Variants in BRD9 observed in about 807,000 individuals in gnomAD.
BRD9 encodes bromodomain containing 9.
Under a neutral mutation model 68.7 loss-of-function variants are expected in BRD9, and 47 were observed. The observed-to-expected ratio is 0.68, with a 90% CI of 0.54 to 0.87. The LOEUF is 0.87. BRD9 is among the 40% of genes least tolerant of loss of function. BRD9 has a pLI of 0.00. For missense variants in BRD9, 670 were observed against 748.4 expected, an observed-to-expected ratio of 0.90 and a Z score of 1.22; for synonymous variants, 313 against 293.9, an observed-to-expected ratio of 1.06 and a Z score of -0.67.
Position 889,176 on chromosome 5 carries a change from AGACATCT to A in BRD9, c.462-18_462-12del, listed in dbSNP as rs1409791595. 6.2e-7 allele frequency: 1 copy of A among 1,606,652 alleles called. No individual in the cohort carries two copies. The highest frequency in any genetic ancestry group is 8.5e-7 in the Non-Finnish European group (1 of 1,178,364). On this transcript the variant is annotated splice_polypyrimidine_tract_variant and intron_variant, in intron 4 of 15. Transcript: ENST00000467963. Reference sequence around the variant, plus strand: ...CCATGGGGATCTTTTCTGAAAGCAAAGACATCTTAAAGCGGAAAAATCTAGATTTCTA... The same window carrying A: ...CCATGGGGATCTTTTCTGAAAGCAAATAAAGCGGAAAAATCTAGATTTCTA...
intron 15 of BRD9, among the ~76,000 whole-genome samples, chr5:865,208 G>C (rs1579886743): frequency 1.3e-5 from 2 of 152,226 alleles, no homozygotes; most frequent in South Asian, 4.1e-4. Context: ...CCCAGCGTGC[G>C]GCCAGGCCAG....
chr5:877,402 A>C (rs1277500166), intron 11 of BRD9, among the ~76,000 whole-genome samples: 1 of 152,240 alleles, frequency 6.6e-6, no homozygotes, highest in African/African-American at 2.4e-5. Context: ...TGCTACAAAA[A>C]TCAGGGTCAG....
intron 2 of BRD9, 114 bp downstream of exon 2, chr5:891,526 G>T: frequency 1.4e-6 from 2 of 1,451,826 alleles, no homozygotes; most frequent in Non-Finnish European, 1.8e-6. Context: ...GCTACCAACG[G>T]AACACCCCCT....
chr5:892,791 G>A lies in BRD9; in HGVS notation c.-134C>T, dbSNP rs1753665903. 3 of 1,049,494 alleles carry A rather than the reference G, an allele frequency of 2.9e-6. No individual in the cohort carries two copies. The highest frequency in any genetic ancestry group is 3.6e-5 in the East Asian group (1 of 28,012). 65.0% of individuals were successfully genotyped at this position (1,049,494 alleles called of 1,614,324 possible). ...CCGAGGTTGCCGAGCTCGCTGGGCC[G>A]CGCCGGAAACGGGGCGAGGCGGGGC... On this transcript the variant is annotated 5_prime_UTR_variant, in exon 1 of 16. Transcript: ENST00000467963.
rs1454212164 is a variant in BRD9 at position 892,130 on chromosome 5, A to G, written c.53-276T>C. 11 of 504,344 alleles carry G rather than the reference A, an allele frequency of 2.2e-5. No homozygotes were observed. The South Asian group carries it at 2.3e-4, about 10-fold the overall frequency. The allele number at this position is 504,344 out of a possible 1,614,324, so 31.2% of individuals were successfully genotyped here. A position where few individuals can be genotyped will look rare whatever the true frequency, so the allele number is the denominator to read the frequency against. On this transcript the variant is annotated intron_variant, in intron 1 of 15. Transcript: ENST00000467963. ...TTGTTCACATTACTCGTTCAAGAAG[A>G]TGGATTAAGAGGGACCTGGAACCCC...
rs536322467 is a variant in BRD9 at position 878,014 on chromosome 5, A to G, written c.1271+341T>C. Among the ~76,000 whole-genome samples the G allele has an allele frequency of 4.6e-5, 7 of 152,260 alleles. No individual in the cohort carries two copies. The South Asian group carries it at 8.3e-4, about 18-fold the overall frequency. On this transcript the variant is annotated intron_variant, in intron 11 of 15. Coordinates refer to ENST00000467963, the MANE Select transcript of BRD9 (RefSeq NM_023924.5). ...ACCTTCATGGCAAATGCCAGCCCCCAGGAATAAGACCCCAGTCTGTGGTGC... is the reference window on the plus strand; with the variant it reads ...ACCTTCATGGCAAATGCCAGCCCCCGGGAATAAGACCCCAGTCTGTGGTGC...
Position 864,543 on chromosome 5 carries a change from C to G in BRD9, c.1719G>C (p.Gly573=). 6.2e-7 allele frequency: 1 copy of G among 1,613,890 alleles called. No homozygotes were observed. The highest frequency in any genetic ancestry group is 8.5e-7 in the Non-Finnish European group (1 of 1,179,878). Residue 573 remains glycine (G), a synonymous_variant, in exon 16 of 16, where the codon GGG becomes GGC. Coordinates refer to ENST00000467963, the MANE Select transcript of BRD9 (RefSeq NM_023924.5). Reference sequence around the variant, plus strand: ...GGTCGTGGGTGACGTCTGGCTGCTCCCCGACACTCAGGCGAGAAGGGCTTC... The same window carrying G: ...GGTCGTGGGTGACGTCTGGCTGCTCGCCGACACTCAGGCGAGAAGGGCTTC... The part of the protein sequence containing the change: ...HLGSPSRLSV[G]EQPDVTHDPY...
chr5:880,563 C>T (rs1323015066), intron 9 of BRD9, among the ~76,000 whole-genome samples: 1 of 152,080 alleles, frequency 6.6e-6, no homozygotes, highest in African/African-American at 2.4e-5. Context: ...GTTCCTCACG[C>T]GAGCCCGCGA....
At chr5:865,855 G>T in intron 14 of BRD9, 1 of 349,546 alleles carries the variant, frequency 2.9e-6, no homozygotes, top group East Asian at 4.6e-5. Flanking sequence ...GTCATGGCAC[G>T]CACAGACACC....
At chr5:878,838 C>T (rs1451238646) in intron 10 of BRD9, 61 of 275,916 alleles carry the variant, frequency 2.2e-4, no homozygotes, top group African/African-American at 1.9e-3. Flanking sequence ...CCACGCCTGC[C>T]CAGGGCCAGC....
chr5:881,487 G>A (rs1751754318), intron 8 of BRD9: 1 of 441,242 alleles, frequency 2.3e-6, no homozygotes, highest in African/African-American at 2.0e-5. Context: ...AAATGGAACG[G>A]TCAGCAGGTC....
At chr5:884,315 C>T (rs113387859) in intron 7 of BRD9, among the ~76,000 whole-genome samples, 4 of 152,244 alleles carry the variant, frequency 2.6e-5, no homozygotes, top group South Asian at 2.1e-4. Flanking sequence ...TATTTTTCAA[C>T]GCAGTGCAAA....
Position 892,778 on chromosome 5 carries a change from A to C in BRD9, c.-121T>G. On this transcript the variant is annotated 5_prime_UTR_variant, in exon 1 of 16. Transcript: ENST00000467963. ...CGCGCTCGCTGCGCCGAGGTTGCCG[A>C]GCTCGCTGGGCCGCGCCGGAAACGG... 1 of 1,096,414 alleles carries C rather than the reference A, an allele frequency of 9.1e-7. No homozygotes were observed. The highest frequency in any genetic ancestry group is 1.6e-5 in the African/African-American group (1 of 60,870). The allele number at this position is 1,096,414 out of a possible 1,614,324, so 67.9% of individuals were successfully genotyped here.
At chr5:881,275 G>A (rs1751711700) in intron 8 of BRD9, 93 bp from the exon 9 acceptor site, 2 of 1,213,996 alleles carry the variant, frequency 1.6e-6, no homozygotes, top group Non-Finnish European at 1.2e-6. Flanking sequence ...TAATGGGGGT[G>A]AAAGCACATT....
At chr5:888,449 G>A (rs866361572) in intron 5 of BRD9, 1 of 152,258 alleles carries the variant, frequency 6.6e-6, no homozygotes, top group Admixed American at 6.5e-5. Context: ...TTTCCCCAGG[G>A]GAATGGAACC....
In BRD9 at chr5:865,405, G is replaced by A. The variant is rs1399015792; in HGVS notation, c.1693+9C>T. 2 of 1,563,132 alleles carry A rather than the reference G, an allele frequency of 1.3e-6. No individual in the cohort carries two copies. On this transcript the variant is annotated intron_variant, in intron 15 of 15. Transcript: ENST00000467963. ...CTCTGGGGATGCGGCGTGGGTGGGGGCATCTCACCCAGGTGGTGCTGGTCC... is the reference window on the plus strand; with the variant it reads ...CTCTGGGGATGCGGCGTGGGTGGGGACATCTCACCCAGGTGGTGCTGGTCC...
rs562790975 is a variant in BRD9 at position 885,768 on chromosome 5, C to T, written c.833+824G>A. On this transcript the variant is annotated intron_variant, in intron 7 of 15. Coordinates refer to ENST00000467963, the MANE Select transcript of BRD9 (RefSeq NM_023924.5). ...GTGATGAAGCAGGCTCTGTGCCAGG[C>T]GCTTCTGCCCGCTGCAGGCTATGTT... Among the ~76,000 whole-genome samples, 13 of 152,336 alleles carry T rather than the reference C, an allele frequency of 8.5e-5. 1 individual carries two copies. Among genetic ancestry groups the T allele is most frequent in the Admixed American group, 6.5e-5 (1 of 15,306 alleles).
intron 8 of BRD9, 170 bp downstream of exon 8, chr5:883,768 C>G (rs1408044335): frequency 4.2e-6 from 4 of 953,326 alleles, no homozygotes; most frequent in African/African-American, 1.7e-5. Context: ...TGGACCCCGA[C>G]TGAAGAGACC....
intron 3 of BRD9, 123 bp from the exon 4 acceptor site, chr5:889,770 G>C: frequency 6.6e-7 from 1 of 1,524,380 alleles, no homozygotes; most frequent in Non-Finnish European, 8.8e-7. Context: ...CCGAGAACTG[G>C]GGATATAAAG....
Sources: gnomAD v4.1 joint callset for allele counts (sites outside exome capture counted in the v4.1 genomes callset) on GRCh38, gnomAD v4.1.1 for gene constraint, MANE v1.5 for transcripts, NCBI Gene and HGNC (gene_info 2026-07-23, HGNC 2026-07-21) for gene names.